Variants in AFG2A observed in about 807,000 individuals in gnomAD.
The protein encoded by AFG2A is AAA ATPase AFG2A.
chr4:123,239,933 A>G, the AFG2A span, among the ~76,000 whole-genome samples: 4 of 152,212 alleles, frequency 2.6e-5, no homozygotes, highest in African/African-American at 9.6e-5. Context: ...CAGGAGACCC[A>G]TCTCATGTAC....
chr4:123,145,445 C>T, the AFG2A span, among the ~76,000 whole-genome samples: 1 of 152,086 alleles, frequency 6.6e-6, no homozygotes, highest in Admixed American at 6.6e-5. Flanking sequence ...AATTAGATTA[C>T]TGCACACCTA....
chr4:123,305,120 T>C, the AFG2A span, among the ~76,000 whole-genome samples: 2 of 152,186 alleles, frequency 1.3e-5, no homozygotes, highest in African/African-American at 2.4e-5. Flanking sequence ...TCTCCACAGA[T>C]CCAAGTGTTC....
At chr4:123,164,912 A>AT in the AFG2A span, among the ~76,000 whole-genome samples, 11 of 152,186 alleles carry the variant, frequency 7.2e-5, no homozygotes, top group African/African-American at 2.7e-4. Context: ...TTCTGAATAT[A>AT]TATTTCATGG....
chr4:122,957,134 A>G, the AFG2A span, among the ~76,000 whole-genome samples: 1 of 152,206 alleles, frequency 6.6e-6, no homozygotes, highest in Non-Finnish European at 1.5e-5. Flanking sequence ...AAAGAAGGAT[A>G]GGAAGAATTA....
At chr4:123,094,476 G>A in the AFG2A span, among the ~76,000 whole-genome samples, 1 of 152,000 alleles carries the variant, frequency 6.6e-6, no homozygotes, top group African/African-American at 2.4e-5. Context: ...AGCAATATAG[G>A]AGTCAAATAT....
At chr4:123,233,527 C>G in the AFG2A span, among the ~76,000 whole-genome samples, 1 of 152,044 alleles carries the variant, frequency 6.6e-6, no homozygotes, top group Non-Finnish European at 1.5e-5. Context: ...ATAAAAGCAT[C>G]TATCATCATA....
the AFG2A span, among the ~76,000 whole-genome samples, chr4:123,218,888 C>A: frequency 3.3e-5 from 5 of 152,166 alleles, no homozygotes; most frequent in Non-Finnish European, 5.9e-5. Context: ...TATGGCCAGA[C>A]CTATACCCTA....
At chr4:123,255,907 A>T in the AFG2A span, 4 of 1,255,736 alleles carry the variant, frequency 3.2e-6, no homozygotes, top group Non-Finnish European at 4.4e-6. Context: ...ACCAATTACG[A>T]ATAATAGTGG....
chr4:122,995,208 G>A, the AFG2A span, among the ~76,000 whole-genome samples: 1 of 151,910 alleles, frequency 6.6e-6, no homozygotes, highest in Non-Finnish European at 1.5e-5. Flanking sequence ...TTTCTATGAT[G>A]CTTTATTAAA....
chr4:123,119,258 A>G, the AFG2A span, among the ~76,000 whole-genome samples: 1 of 152,168 alleles, frequency 6.6e-6, no homozygotes, highest in Non-Finnish European at 1.5e-5. Flanking sequence ...TGCTTATTAC[A>G]GTGTCTCAAC....
chr4:122,949,928 C>T, the AFG2A span, among the ~76,000 whole-genome samples: 4 of 152,344 alleles, frequency 2.6e-5, no homozygotes, highest in East Asian at 3.9e-4. Flanking sequence ...ACTGAACCAT[C>T]GGGCTGGTTT....
At chr4:123,050,886 A>G in the AFG2A span, among the ~76,000 whole-genome samples, 5 of 152,124 alleles carry the variant, frequency 3.3e-5, no homozygotes, top group African/African-American at 1.2e-4. Flanking sequence ...CTAGGATTAC[A>G]GGCACCTGCC....
At chr4:123,219,866 A>G in the AFG2A span, among the ~76,000 whole-genome samples, 3 of 151,356 alleles carry the variant, frequency 2.0e-5, no homozygotes, top group South Asian at 2.1e-4. Context: ...TAATGAGTTG[A>G]AAAAAAATTT....
chr4:123,308,127 T>C, the AFG2A span, among the ~76,000 whole-genome samples: 1 of 152,226 alleles, frequency 6.6e-6, no homozygotes, highest in South Asian at 2.1e-4. Flanking sequence ...GGGATACATT[T>C]TGATACCGAA....
At chr4:123,244,814 C>T in the AFG2A span, among the ~76,000 whole-genome samples, 4,851 of 152,208 alleles carry the variant, frequency 0.032, 274 homozygotes, top group African/African-American at 0.11. Flanking sequence ...CTGCATGCTT[C>T]TGTATACCTA....
the AFG2A span, among the ~76,000 whole-genome samples, chr4:123,284,347 C>T: frequency 6.6e-6 from 1 of 152,220 alleles, no homozygotes; most frequent in Admixed American, 6.5e-5. Flanking sequence ...CCACAGCAGA[C>T]ACTTCCTCTT....
At chr4:123,059,000 A>G in the AFG2A span, among the ~76,000 whole-genome samples, 14 of 152,244 alleles carry the variant, frequency 9.2e-5, no homozygotes, top group Non-Finnish European at 1.6e-4. Context: ...GTTACTTCCT[A>G]GGTACTATGG....
chr4:123,125,408 C>T, the AFG2A span, among the ~76,000 whole-genome samples: 1 of 152,122 alleles, frequency 6.6e-6, no homozygotes, highest in African/African-American at 2.4e-5. Flanking sequence ...TTATCTGCTG[C>T]TCCTTTCCTA....
chr4:123,033,821 A>G, the AFG2A span, among the ~76,000 whole-genome samples: 1 of 152,214 alleles, frequency 6.6e-6, no homozygotes, highest in African/African-American at 2.4e-5. Context: ...CCAGAAAAGT[A>G]TAACATTTGT....
Sources: gnomAD v4.1 joint callset for allele counts (sites outside exome capture counted in the v4.1 genomes callset) on GRCh38, gnomAD v4.1.1 for gene constraint, MANE v1.5 for transcripts, NCBI Gene and HGNC (gene_info 2026-07-23, HGNC 2026-07-21) for gene names.